The following PDLIM5 variants were observed in gnomAD, a reference collection of about 807,000 sequenced individuals.
PDLIM5 encodes the protein PDZ and LIM domain 5, also known as PDZ and LIM domain protein 5.
Under a neutral mutation model 64.2 loss-of-function variants are expected in PDLIM5, and 34 were observed. The ratio of observed to expected loss-of-function variants is 0.53; its 90% CI spans 0.40 to 0.71. PDLIM5 has a LOEUF of 0.71. PDLIM5 is among the 30% of genes least tolerant of loss of function. PDLIM5 has a pLI of 0.00. For synonymous variants in PDLIM5, 253 were observed against 269.1 expected (o/e 0.94, Z 0.59); for missense variants, 683 against 733.6 (o/e 0.93, Z 0.80).
At chr4:94,560,030 A>G (rs930271626) in intron 3 of PDLIM5, among the ~76,000 whole-genome samples, 2 of 151,868 alleles carry the variant, frequency 1.3e-5, no homozygotes, top group African/African-American at 4.8e-5. Flanking sequence ...ATCTATGTGG[A>G]CTCCATTGCC....
intron 2 of PDLIM5, among the ~76,000 whole-genome samples, chr4:94,516,451 A>G (rs1293041262): frequency 6.6e-6 from 1 of 152,100 alleles, no homozygotes; most frequent in African/African-American, 2.4e-5. Context: ...CTACCATTCT[A>G]ACCTACAAAA....
chr4:94,509,751 G>A (rs1338194569), intron 2 of PDLIM5, among the ~76,000 whole-genome samples: 1 of 152,158 alleles, frequency 6.6e-6, no homozygotes, highest in Non-Finnish European at 1.5e-5. Flanking sequence ...AATGCAGCAC[G>A]GGAGAAAGAT....
At chr4:94,552,633 A>G (rs1732908781) in intron 3 of PDLIM5, among the ~76,000 whole-genome samples, 1 of 152,148 alleles carries the variant, frequency 6.6e-6, no homozygotes, top group South Asian at 2.1e-4. Context: ...TCTCTATAGC[A>G]AAGTCTACTC....
At chr4:94,576,115 C>T in intron 5 of PDLIM5, 81 bp downstream of exon 5, 1 of 1,223,244 alleles carries the variant, frequency 8.2e-7, no homozygotes, top group Non-Finnish European at 1.2e-6. Context: ...ATTCCTCTCC[C>T]CCAAAACCAA....
At chr4:94,585,827 C>A (rs946294302) in intron 6 of PDLIM5, 90 bp downstream of exon 6, 1 of 967,984 alleles carries the variant, frequency 1.0e-6, no homozygotes, top group East Asian at 2.4e-5. Flanking sequence ...CAGAAAACAA[C>A]CCCGAGACAG....
chr4:94,516,128 C>G (rs557315324), intron 2 of PDLIM5, among the ~76,000 whole-genome samples: 8 of 152,110 alleles, frequency 5.3e-5, no homozygotes, highest in Admixed American at 3.3e-4. Context: ...AAGGGCTCAT[C>G]ATAGGAAATA....
intron 3 of PDLIM5, among the ~76,000 whole-genome samples, chr4:94,549,565 T>C (rs374457381): frequency 6.6e-6 from 1 of 152,238 alleles, no homozygotes; most frequent in Non-Finnish European, 1.5e-5. Flanking sequence ...CGTCTGTCTG[T>C]ATAATGGAAC....
rs572009287 is a variant in PDLIM5 at position 94,555,661 on chromosome 4, T to C, written c.249-17690T>C. Among the ~76,000 whole-genome samples, 6 of 152,158 alleles carry C rather than the reference T, an allele frequency of 3.9e-5. No homozygotes were observed. In the East Asian group the frequency reaches 1.2e-3, roughly 29 times the overall value. On this transcript the variant is annotated intron_variant, in intron 3 of 12. Coordinates refer to ENST00000317968, the MANE Select transcript of PDLIM5 (RefSeq NM_006457.5). ...AATGAATTTCCCCATGAAAGTACCA[T>C]ATAATGATTGTAACATTGAAAAGAT...
At chr4:94,539,438 C>CTT (rs1731590333) in intron 3 of PDLIM5, among the ~76,000 whole-genome samples, 1 of 152,134 alleles carries the variant, frequency 6.6e-6, no homozygotes, top group African/African-American at 2.4e-5. Context: ...AAAAAAAACA[C>CTT]TGTCTTTTCC....
chr4:94,605,720 C>A (rs920955268), intron 7 of PDLIM5, among the ~76,000 whole-genome samples: 1 of 152,138 alleles, frequency 6.6e-6, no homozygotes, highest in Non-Finnish European at 1.5e-5. Flanking sequence ...AGTGCGTTTG[C>A]TTGGAAGATG....
At chr4:94,454,617 T>G (rs1723160460) in intron 1 of PDLIM5, among the ~76,000 whole-genome samples, 1 of 152,198 alleles carries the variant, frequency 6.6e-6, no homozygotes, top group Non-Finnish European at 1.5e-5. Context: ...GTTGACTATC[T>G]GAAGGAAAAG....
chr4:94,615,515 T>TG (rs1046163690), intron 7 of PDLIM5, among the ~76,000 whole-genome samples: 3 of 151,950 alleles, frequency 2.0e-5, no homozygotes, highest in Non-Finnish European at 4.4e-5. Flanking sequence ...ATATAGAATC[T>TG]GGAAAAAAAA....
intron 9 of PDLIM5, among the ~76,000 whole-genome samples, chr4:94,648,595 C>T (rs1161985762): frequency 5.9e-5 from 9 of 152,072 alleles, no homozygotes; most frequent in African/African-American, 2.2e-4. Context: ...CCACCGCACC[C>T]GGCCAGTGTC....
intron 7 of PDLIM5, chr4:94,611,191 A>G (rs1343284947): frequency 7.8e-6 from 12 of 1,534,954 alleles, no homozygotes; most frequent in Non-Finnish European, 9.6e-6. Context: ...ATCCATGTTA[A>G]GAAAACAAGG....
chr4:94,573,916 T>C (rs1209562005), intron 4 of PDLIM5, among the ~76,000 whole-genome samples: 7 of 152,202 alleles, frequency 4.6e-5, no homozygotes, highest in Admixed American at 3.9e-4. Context: ...GCCTATTTAT[T>C]GAACTACTTA....
intron 7 of PDLIM5, chr4:94,611,066 C>T: frequency 6.5e-7 from 1 of 1,532,304 alleles, no homozygotes; most frequent in Non-Finnish European, 8.7e-7. Flanking sequence ...AAATGCTTAC[C>T]AGGCTCTACA....
intron 2 of PDLIM5, among the ~76,000 whole-genome samples, chr4:94,466,902 A>G (rs1419906959): frequency 6.6e-6 from 1 of 152,202 alleles, no homozygotes; most frequent in South Asian, 2.1e-4. Flanking sequence ...GTTAATACGG[A>G]ATGTTAGATT....
intron 1 of PDLIM5, among the ~76,000 whole-genome samples, chr4:94,453,585 G>A (rs1250404909): frequency 2.0e-5 from 3 of 152,162 alleles, no homozygotes; most frequent in Non-Finnish European, 4.4e-5. Flanking sequence ...TTATTCCCCA[G>A]ACACAAGTTA....
intron 12 of PDLIM5, among the ~76,000 whole-genome samples, 196 bp downstream of exon 12, chr4:94,662,733 T>C (rs1742834332): frequency 6.6e-6 from 1 of 152,042 alleles, no homozygotes; most frequent in South Asian, 2.1e-4. Flanking sequence ...CACAGTGAGA[T>C]CCTTAGTCCT....
Sources: gnomAD v4.1 joint callset for allele counts (sites outside exome capture counted in the v4.1 genomes callset) on GRCh38, gnomAD v4.1.1 for gene constraint, MANE v1.5 for transcripts, NCBI Gene and HGNC (gene_info 2026-07-23, HGNC 2026-07-21) for gene names.